ALG10B: variants seen among roughly 807,000 people sequenced by gnomAD.
The protein encoded by ALG10B is dol-P-Glc:Glc(2)Man(9)GlcNAc(2)-PP-Dol alpha-1,2-glucosyltransferase B.
ALG10B carries 27 observed loss-of-function variants against 38.7 expected under a neutral mutation model. That is an observed-to-expected ratio of 0.70 (90% CI 0.51 to 0.96). The LOEUF (loss-of-function observed/expected upper bound fraction) is 0.96, where lower values mean the gene tolerates loss of function less well. Ranked by LOEUF, ALG10B falls within the 40% of genes least tolerant of loss-of-function variation. ALG10B has a pLI of 0.00. For synonymous variants in ALG10B, 177 were observed against 193.3 expected, an observed-to-expected ratio of 0.92 and a Z score of 0.70; for missense variants, 522 against 542.7, an observed-to-expected ratio of 0.96 and a Z score of 0.38.
Position 38,323,663 on chromosome 12 carries a change from ATTTTTTGGTTGTACTCTAGTAC to A in ALG10B, c.*2452_*2473del. 2 of 455,990 alleles carry A rather than the reference ATTTTTTGGTTGTACTCTAGTAC, an allele frequency of 4.4e-6. No individual in the cohort carries two copies. 28.2% of individuals were successfully genotyped at this position (455,990 alleles called of 1,614,324 possible). A position where few individuals can be genotyped will look rare whatever the true frequency, so the allele number is the denominator to read the frequency against. ...ATAATTTGAGTAATAAATGCAGGCC[ATTTTTTGGTTGTACTCTAGTAC>A]TCAGAAAATAGATCGGCATTAGTTA... is the stretch of plus-strand genomic sequence containing the variant. On this transcript the variant is annotated 3_prime_UTR_variant, in exon 3 of 3. Transcript: ENST00000308742.
chr12:38,318,200 A>G, intron 1 of ALG10B, 61 bp from the exon 2 acceptor site: 1 of 1,598,078 alleles, frequency 6.3e-7, no homozygotes. Context: ...GGCTTGACAT[A>G]TTTGTGTCTG....
rs1945724603 is a variant in ALG10B, at chr12:38,324,181, C to T, written c.*2968C>T. The stretch of plus-strand genomic sequence containing the variant: ...CCGAGTAGCTGAGATTATAGGCGCC[C>T]ACCACCAAGCCTGGCTAATTTTTTC... On this transcript the variant is annotated 3_prime_UTR_variant, in exon 3 of 3. Coordinates refer to ENST00000308742, the MANE Select transcript of ALG10B (RefSeq NM_001013620.4). 1 of 417,888 alleles carries T rather than the reference C, an allele frequency of 2.4e-6. No individual in the cohort carries two copies. Among genetic ancestry groups the T allele is most frequent in the Admixed American group, 3.9e-5 (1 of 25,588 alleles). The allele number at this position is 417,888 out of a possible 1,614,324, so 25.9% of individuals were successfully genotyped here.
chr12:38,317,816 A>G (rs1309243970), intron 1 of ALG10B: 7 of 188,690 alleles, frequency 3.7e-5, no homozygotes, highest in Non-Finnish European at 6.7e-5. Flanking sequence ...AATAATCTTT[A>G]CTATAGGGCA....
intron 2 of ALG10B, among the ~76,000 whole-genome samples, chr12:38,318,669 A>G (rs1008417758): frequency 2.6e-5 from 4 of 152,260 alleles, no homozygotes; most frequent in South Asian, 2.1e-4. Context: ...TAAACTCTAA[A>G]GTAAATATTT....
Position 38,320,094 on chromosome 12 carries a change from TC to T in ALG10B, c.370-66del. On this transcript the variant is annotated intron_variant, in intron 2 of 2. Coordinates refer to ENST00000308742, the MANE Select transcript of ALG10B (RefSeq NM_001013620.4). ...GTTGAGTAGTTTTAAATAAATCTCT[TC>T]ATTAGGTAAGCAGAAATAGCATTTA... is the stretch of plus-strand genomic sequence containing the variant. The T allele has an allele frequency of 1.9e-6, 3 of 1,585,162 alleles. No homozygotes were observed. The African/African-American group carries it at 4.0e-5, about 21-fold the overall frequency.
Position 38,318,476 on chromosome 12 carries a change from TAATTAC to T in ALG10B, c.369+21_369+26del, listed in dbSNP as rs1945675992. ...GAAACAAGGTATGTTTCAAAATACT[TAATTAC>T]AAGTTTATGTGTAGTCAGGTCCACA... On this transcript the variant is annotated intron_variant, in intron 2 of 2. Coordinates refer to ENST00000308742, the MANE Select transcript of ALG10B (RefSeq NM_001013620.4). The T allele has an allele frequency of 6.2e-7, 1 of 1,607,834 alleles. No individual in the cohort carries two copies. Among genetic ancestry groups the T allele is most frequent in the Non-Finnish European group, 8.5e-7 (1 of 1,174,572 alleles).
rs1329732551 is a variant in ALG10B at position 38,328,553 on chromosome 12, T to A, written c.*7340T>A. 6.6e-6 allele frequency: 1 copy of A among 152,206 alleles called. No homozygotes were observed. The highest frequency in any genetic ancestry group is 1.5e-5 in the Non-Finnish European group (1 of 68,016). The allele number at this position is 152,206 out of a possible 1,614,324, so 9.4% of individuals were successfully genotyped here. A position where few individuals can be genotyped will look rare whatever the true frequency, so the allele number is the denominator to read the frequency against. ...ATTTCCAAGTGTTGTAGTTAAACTT[T>A]TATTAGTCTGAATTAAACTCTTTTA... On this transcript the variant is annotated 3_prime_UTR_variant, in exon 3 of 3. Transcript: ENST00000308742.
rs1462654005 is a variant in ALG10B at position 38,323,802 on chromosome 12, T to C, written c.*2589T>C. ...AAAGAAATTATACTTTTGTCATTAA[T>C]TTACTATAGTGGAGAACTAAATCTG... is the stretch of plus-strand genomic sequence containing the variant. On this transcript the variant is annotated 3_prime_UTR_variant, in exon 3 of 3. Transcript: ENST00000308742. The C allele has an allele frequency of 3.0e-6, 2 of 669,786 alleles. No homozygotes were observed. The highest frequency in any genetic ancestry group is 5.4e-6 in the Non-Finnish European group (2 of 373,524). 41.5% of individuals were successfully genotyped at this position (669,786 alleles called of 1,614,324 possible). A position where few individuals can be genotyped will look rare whatever the true frequency, so the allele number is the denominator to read the frequency against.
chr12:38,325,938 A>G lies in ALG10B; in HGVS notation c.*4725A>G, dbSNP rs1945740296. On this transcript the variant is annotated 3_prime_UTR_variant, in exon 3 of 3. Transcript: ENST00000308742. ...GTTTTTAGTATAGAGTGAAGTGAAT[A>G]GAAAAAACATCCTACATAACCGTGG... 1 of 152,192 alleles carries G rather than the reference A, an allele frequency of 6.6e-6. No homozygotes were observed. The highest frequency in any genetic ancestry group is 1.5e-5 in the Non-Finnish European group (1 of 68,016). 9.4% of individuals were successfully genotyped at this position (152,192 alleles called of 1,614,324 possible). A position where few individuals can be genotyped will look rare whatever the true frequency, so the allele number is the denominator to read the frequency against.
chr12:38,316,787 G>A lies in ALG10B; in HGVS notation c.-107G>A. 1 of 1,589,516 alleles carries A rather than the reference G, an allele frequency of 6.3e-7. No individual in the cohort carries two copies. The highest frequency in any genetic ancestry group is 8.6e-7 in the Non-Finnish European group (1 of 1,160,428). Reference sequence around the variant, plus strand: ...GCCTTCCGGTATGTGGCCCCGTCTGGCTAGTCCTGTCTAGCGCGCCCATTT... The same window carrying A: ...GCCTTCCGGTATGTGGCCCCGTCTGACTAGTCCTGTCTAGCGCGCCCATTT... On this transcript the variant is annotated 5_prime_UTR_variant, in exon 1 of 3. Coordinates refer to ENST00000308742, the MANE Select transcript of ALG10B (RefSeq NM_001013620.4).
In ALG10B at chr12:38,323,201, G is replaced by A. The variant is rs1355782898; in HGVS notation, c.*1988G>A. On this transcript the variant is annotated 3_prime_UTR_variant, in exon 3 of 3. Transcript: ENST00000308742. ...ATAACTCTCAGTATCTTTACTGAGA[G>A]GTTAAAAAATAAGTGACTTCTTAGG... 1 of 151,964 alleles carries A rather than the reference G, an allele frequency of 6.6e-6. No individual in the cohort carries two copies. The highest frequency in any genetic ancestry group is 2.4e-5 in the African/African-American group (1 of 41,386). The allele number at this position is 151,964 out of a possible 1,614,324, so 9.4% of individuals were successfully genotyped here. A position where few individuals can be genotyped will look rare whatever the true frequency, so the allele number is the denominator to read the frequency against.
At position 38,324,110 on chromosome 12, in the gene ALG10B, G is replaced by C. The variant is rs1410342331; in HGVS notation, c.*2897G>C. 5 of 565,326 alleles carry C rather than the reference G, an allele frequency of 8.8e-6. No homozygotes were observed. The Admixed American group carries it at 1.2e-4, about 14-fold the overall frequency. The allele number at this position is 565,326 out of a possible 1,614,324, so 35.0% of individuals were successfully genotyped here. On this transcript the variant is annotated 3_prime_UTR_variant, in exon 3 of 3. Transcript: ENST00000308742. Reference sequence around the variant, plus strand: ...TGCAATGGCGCGATCTTGGCTCACTGAAACCTCCACCTCCTGGGTTCAAGC... The same window carrying C: ...TGCAATGGCGCGATCTTGGCTCACTCAAACCTCCACCTCCTGGGTTCAAGC...
intron 2 of ALG10B, among the ~76,000 whole-genome samples, chr12:38,319,943 C>T (rs7977200): frequency 0.61 from 93,141 of 152,050 alleles, 29,448 homozygotes; most frequent in East Asian, 0.84. Context: ...GGCATACACA[C>T]GGTCTCCAAA....
chr12:38,320,290 T>G lies in ALG10B; in HGVS notation c.499T>G (p.Cys167Gly), dbSNP rs767657281. The change falls in exon 3 of 3, where the codon TGT (cysteine) becomes GGT (glycine). Residue 167 changes from cysteine (C) to glycine (G), a missense_variant. Coordinates refer to ENST00000308742, the MANE Select transcript of ALG10B (RefSeq NM_001013620.4). Reference protein sequence around the residue: ...MFFTLFAYLMCLYGNHKTSAF... With the variant: ...MFFTLFAYLMGLYGNHKTSAF... The stretch of plus-strand genomic sequence containing the variant: ...TTTTACTCTTTTTGCATATTTGATG[T>G]GTCTTTATGGAAATCATAAAACTTC... The G allele has an allele frequency of 6.2e-7, 1 of 1,614,116 alleles. No individual in the cohort carries two copies. The highest frequency in any genetic ancestry group is 8.5e-7 in the Non-Finnish European group (1 of 1,179,964).
intron 1 of ALG10B, chr12:38,317,762 TGTTCTGA>T: frequency 5.7e-6 from 1 of 174,034 alleles, no homozygotes; most frequent in South Asian, 1.3e-4. Context: ...ATCTTGGAGA[TGTTCTGA>T]GTTTCAGAAA....
At position 38,323,390 on chromosome 12, in the gene ALG10B, T is replaced by A. The variant is rs1481937173; in HGVS notation, c.*2177T>A. ...CTTTTTGAATTTTGTGTTTATTATT[T>A]TGAGTGTATTTTTTGGGTTGTCATT... On this transcript the variant is annotated 3_prime_UTR_variant, in exon 3 of 3. Transcript: ENST00000308742. 6.6e-6 allele frequency: 1 copy of A among 152,514 alleles called. No homozygotes were observed. Among genetic ancestry groups the A allele is most frequent in the African/African-American group, 2.4e-5 (1 of 41,456 alleles). 9.4% of individuals were successfully genotyped at this position (152,514 alleles called of 1,614,324 possible).
rs768323028 is a variant in ALG10B, at chr12:38,321,006, T to G, written c.1215T>G (p.Ile405Met). 1 of 1,613,198 alleles carries G rather than the reference T, an allele frequency of 6.2e-7. No homozygotes were observed. The highest frequency in any genetic ancestry group is 1.1e-5 in the South Asian group (1 of 90,814). ...TAATGTTTTTCATATGCTTGTTCAT[T>G]GTTATAGTTCCTCAGAAACTGCTGG... Reference protein sequence around the residue: ...WNLMFFICLFIVIVPQKLLEF... With the variant: ...WNLMFFICLFMVIVPQKLLEF... The change falls in exon 3 of 3, where the codon ATT becomes ATG. Residue 405 changes from isoleucine (I) to methionine (M), a missense_variant. Ile to Met is a conservative substitution (Grantham distance 10). Coordinates refer to ENST00000308742, the MANE Select transcript of ALG10B (RefSeq NM_001013620.4).
chr12:38,321,192 C>T lies in ALG10B; in HGVS notation c.1401C>T (p.Asp467=), dbSNP rs754544107. The change falls in exon 3 of 3, where the codon GAC becomes GAT. Residue 467 remains aspartate, a synonymous_variant. Coordinates refer to ENST00000308742, the MANE Select transcript of ALG10B (RefSeq NM_001013620.4). ...CTTTTCAGTGGCCAAATAGTCAGGA[C>T]ATTCAAAGGTTTATGTGGTAATATC... The part of the protein sequence containing the change: ...NKTFQWPNSQ[D]IQRFMW 2 of 1,612,092 alleles carry T rather than the reference C, an allele frequency of 1.2e-6. No homozygotes were observed. Among genetic ancestry groups the T allele is most frequent in the Admixed American group, 3.3e-5 (2 of 59,816 alleles).
chr12:38,320,591 T>C lies in ALG10B; in HGVS notation c.800T>C (p.Phe267Ser). ...YILLGFLFCAFVVVNGGIVIG... is the reference protein window; with the variant it reads ...YILLGFLFCASVVVNGGIVIG... ...CTTCTGGGATTTCTGTTTTGTGCTT[T>C]TGTAGTAGTTAATGGTGGAATTGTT... Residue 267 changes from phenylalanine (F) to serine (S), a missense_variant, in exon 3 of 3, where the codon TTT becomes TCT. By Grantham distance (155) the Phe-to-Ser change is radical. Transcript: ENST00000308742. 1 of 1,614,144 alleles carries C rather than the reference T, an allele frequency of 6.2e-7. No individual in the cohort carries two copies. The highest frequency in any genetic ancestry group is 8.5e-7 in the Non-Finnish European group (1 of 1,179,972).
Sources: allele counts gnomAD v4.1 joint callset (sites outside exome capture counted in the v4.1 genomes callset), GRCh38; gene constraint gnomAD v4.1.1; transcripts MANE v1.5; gene names NCBI Gene and HGNC (gene_info 2026-07-23, HGNC 2026-07-21).